Variants in STAG2 observed in about 807,000 individuals in gnomAD.
STAG2 encodes STAG2 cohesin complex component.
A neutral mutation model predicts 108.1 loss-of-function variants in STAG2; 14 were observed. The observed-to-expected ratio is 0.13, with a 90% CI of 0.09 to 0.20. The LOEUF (loss-of-function observed/expected upper bound fraction) is 0.20, where lower values mean the gene tolerates loss of function less well. Ranked by LOEUF, STAG2 falls within the 10% of genes least tolerant of loss-of-function variation. STAG2 has a pLI of 1.00. For synonymous variants in STAG2, 307 were observed against 302.7 expected (o/e 1.01, Z -0.15); for missense variants, 440 against 940.9 (o/e 0.47, Z 6.96).
In STAG2 at chrX:124,000,668, G is replaced by A. The variant is rs180845132; in HGVS notation, c.-162-20699G>A. ...TCCACCCTGGATGAGAGAGTGAGACGAGACCCTGTCTCAAGGGAAAAAAAG... is the reference window on the plus strand; with the variant it reads ...TCCACCCTGGATGAGAGAGTGAGACAAGACCCTGTCTCAAGGGAAAAAAAG... On this transcript the variant is annotated intron_variant, in intron 1 of 34. Coordinates refer to ENST00000371145, the MANE Select transcript of STAG2 (RefSeq NM_001042750.2). Among the ~76,000 whole-genome samples the A allele has an allele frequency of 2.2e-4, 25 of 111,188 alleles. No homozygotes were observed. In the East Asian group the frequency reaches 6.2e-3, roughly 28 times the overall value.
chrX:123,982,454 A>G (rs924876552), intron 1 of STAG2, among the ~76,000 whole-genome samples: 1 of 111,799 alleles, frequency 8.9e-6, no homozygotes, highest in Non-Finnish European at 1.9e-5. Context: ...GGCTCACTGC[A>G]ACTTTCGCAC....
intron 30 of STAG2, among the ~76,000 whole-genome samples, chrX:124,088,950 C>T (rs2059184746): frequency 1.4e-5 from 1 of 73,283 alleles, no homozygotes; most frequent in Non-Finnish European, 2.5e-5. Context: ...GAGTCTTGCT[C>T]TGTTGCTGAG....
chrX:124,077,352 G>T (rs1340367185), intron 26 of STAG2, among the ~76,000 whole-genome samples: 1 of 110,481 alleles, frequency 9.1e-6, no homozygotes, highest in Non-Finnish European at 1.9e-5. Flanking sequence ...TAGGGACGTG[G>T]TTATTCTGTT....
chrX:124,098,533 C>T (rs754240867), intron 34 of STAG2, among the ~76,000 whole-genome samples: 7 of 111,308 alleles, frequency 6.3e-5, no homozygotes, highest in Non-Finnish European at 1.3e-4. Context: ...CCCATAATAC[C>T]GGAGTCATCT....
chrX:123,966,576 T>C (rs1280926320), intron 1 of STAG2, among the ~76,000 whole-genome samples: 2 of 111,941 alleles, frequency 1.8e-5, no homozygotes, highest in Non-Finnish European at 3.8e-5. Context: ...TCATAAATGA[T>C]GGTTATTGCG....
chrX:123,966,243 A>G (rs2054089181), intron 1 of STAG2, among the ~76,000 whole-genome samples: 1 of 109,881 alleles, frequency 9.1e-6, no homozygotes, highest in Non-Finnish European at 1.9e-5. Flanking sequence ...CAGGCGGATC[A>G]TGAGGTCAGG....
intron 34 of STAG2, among the ~76,000 whole-genome samples, chrX:124,100,326 T>C (rs2059482802): frequency 9.0e-6 from 1 of 111,389 alleles, no homozygotes; most frequent in African/African-American, 3.3e-5. Context: ...ATAAGCATAA[T>C]TAATCCAAGG....
intron 2 of STAG2, 23 bp from the exon 3 acceptor site, chrX:124,022,508 A>T (rs2056965991): frequency 1.8e-6 from 1 of 546,246 alleles, no homozygotes; most frequent in Non-Finnish European, 2.9e-6. Flanking sequence ...TTTGTAATAA[A>T]TGTCATTTTC....
intron 5 of STAG2, among the ~76,000 whole-genome samples, 199 bp from the exon 6 acceptor site, chrX:124,037,328 G>A (rs931847306): frequency 3.6e-5 from 4 of 111,669 alleles, no homozygotes; most frequent in Admixed American, 9.5e-5. Flanking sequence ...AGGTCATTTT[G>A]TGTTATCAGA....
At chrX:124,098,392 A>AT (rs2148525129) in intron 34 of STAG2, among the ~76,000 whole-genome samples, 1 of 111,217 alleles carries the variant, frequency 9.0e-6, no homozygotes, top group African/African-American at 3.3e-5. Flanking sequence ...TTAACAGTTT[A>AT]TTTTTTAAAT....
chrX:124,050,942 A>C (rs936849041), intron 11 of STAG2, among the ~76,000 whole-genome samples, 179 bp from the exon 12 acceptor site: 2 of 111,913 alleles, frequency 1.8e-5, no homozygotes, highest in Non-Finnish European at 3.8e-5. Context: ...ATTTAGTCAT[A>C]AATGTATGTA....
At chrX:123,982,140 A>G (rs2054904928) in intron 1 of STAG2, among the ~76,000 whole-genome samples, 1 of 105,407 alleles carries the variant, frequency 9.5e-6, no homozygotes, top group Non-Finnish European at 1.9e-5. Flanking sequence ...TAGGAGTTCC[A>G]GAAGAGACTG....
At chrX:124,037,747 A>G (rs1347233070) in intron 6 of STAG2, 124 bp downstream of exon 6, 2 of 265,613 alleles carry the variant, frequency 7.5e-6, no homozygotes, top group Non-Finnish European at 1.3e-5. Flanking sequence ...TCATATCCAT[A>G]TAAAATTTGT....
intron 1 of STAG2, among the ~76,000 whole-genome samples, chrX:123,975,232 G>T (rs1463019667): frequency 9.0e-6 from 1 of 111,649 alleles, no homozygotes; most frequent in African/African-American, 3.3e-5. Context: ...TTAAAAAGAA[G>T]AAGATAAAAT....
At chrX:124,089,800 G>A (rs1178436845) in intron 30 of STAG2, among the ~76,000 whole-genome samples, 1 of 110,710 alleles carries the variant, frequency 9.0e-6, no homozygotes, top group Non-Finnish European at 1.9e-5. Context: ...TGCCCCAGGA[G>A]TAGCAAACTG....
intron 7 of STAG2, among the ~76,000 whole-genome samples, chrX:124,044,704 C>T (rs1473511470): frequency 8.9e-6 from 1 of 111,948 alleles, no homozygotes; most frequent in Admixed American, 9.5e-5. Context: ...TATCTGTTGA[C>T]TGTGTGATGT....
chrX:123,963,430 C>A (rs1218895079), intron 1 of STAG2: 1 of 111,290 alleles, frequency 9.0e-6, no homozygotes, highest in East Asian at 2.8e-4. Flanking sequence ...CATATACTTT[C>A]CGATGAACAG....
chrX:124,034,039 T>A (rs1239443725), intron 5 of STAG2, among the ~76,000 whole-genome samples: 1 of 111,604 alleles, frequency 9.0e-6, no homozygotes, highest in Non-Finnish European at 1.9e-5. Flanking sequence ...ACATACAGTT[T>A]GAACACAAAA....
chrX:124,024,962 A>G (rs988130613), intron 3 of STAG2, among the ~76,000 whole-genome samples: 13 of 111,791 alleles, frequency 1.2e-4, no homozygotes, highest in African/African-American at 3.9e-4. Flanking sequence ...CTATTTAGAT[A>G]GACTCATGTT....
Sources: gnomAD v4.1 joint callset for allele counts (sites outside exome capture counted in the v4.1 genomes callset) on GRCh38, gnomAD v4.1.1 for gene constraint, MANE v1.5 for transcripts, NCBI Gene and HGNC (gene_info 2026-07-23, HGNC 2026-07-21) for gene names.